The following DOCK11 variants were observed in gnomAD, a reference collection of about 807,000 sequenced individuals.
DOCK11 encodes the protein dedicator of cytokinesis protein 11.
In DOCK11, 70 loss-of-function variants were observed where a neutral mutation model predicts 169.1. The ratio of observed to expected loss-of-function variants is 0.41; its 90% CI spans 0.34 to 0.51. The LOEUF (loss-of-function observed/expected upper bound fraction) is 0.51. DOCK11 is among the 20% of genes least tolerant of loss of function. DOCK11 has a pLI of 0.10. For missense variants in DOCK11, 1,166 were observed against 1,538.8 expected, an observed-to-expected ratio of 0.76 and a Z score of 4.05; for synonymous variants, 529 against 541.3, an observed-to-expected ratio of 0.98 and a Z score of 0.32.
At chrX:118,595,241 G>A (rs1171629571) in intron 20 of DOCK11, among the ~76,000 whole-genome samples, 1 of 111,663 alleles carries the variant, frequency 9.0e-6, no homozygotes, top group East Asian at 2.8e-4. Flanking sequence ...GTAGCAGCGG[G>A]GGCAGAGAGA....
chrX:118,630,516 G>A (rs1238559316), intron 35 of DOCK11, 26 bp downstream of exon 35: 2 of 957,270 alleles, frequency 2.1e-6, no homozygotes, highest in Admixed American at 4.7e-5. Flanking sequence ...ATTAAGCATG[G>A]ACTGTACTAG....
At chrX:118,647,910 TATA>T (rs757179234) in intron 40 of DOCK11, among the ~76,000 whole-genome samples, 2,693 of 43,253 alleles carry the variant, frequency 0.062, 147 homozygotes, top group Middle Eastern at 0.11. Context: ...TATTATATAT[TATA>T]ATATTATATA....
chrX:118,645,362 G>A (rs1416191629), intron 40 of DOCK11, among the ~76,000 whole-genome samples: 1 of 111,638 alleles, frequency 9.0e-6, no homozygotes, highest in Non-Finnish European at 1.9e-5. Context: ...TTCAGTCTTA[G>A]TGGGGATAGG....
chrX:118,683,058 A>G (rs1278571797), intron 51 of DOCK11, 21 bp from the exon 52 acceptor site: 1 of 1,190,054 alleles, frequency 8.4e-7, no homozygotes, highest in Non-Finnish European at 1.1e-6. Flanking sequence ...CAAGACCTTT[A>G]TCTTTGATAT....
At chrX:118,630,554 C>A in intron 35 of DOCK11, 64 bp downstream of exon 35, 1 of 671,835 alleles carries the variant, frequency 1.5e-6, no homozygotes, top group Non-Finnish European at 2.3e-6. Context: ...TTCACAAATT[C>A]ATGCAACAAT....
At chrX:118,512,120 G>A (rs187031778) in intron 1 of DOCK11, among the ~76,000 whole-genome samples, 1 of 111,469 alleles carries the variant, frequency 9.0e-6, no homozygotes, top group Non-Finnish European at 1.9e-5. Context: ...CAGGCTGGTC[G>A]CGAACTCCTG....
Position 118,573,892 on chromosome X carries a change from C to T in DOCK11, c.1263C>T (p.Pro421=). Residue 421 remains proline, a synonymous_variant, in exon 12 of 53, where the codon CCC becomes CCT. Transcript: ENST00000276202. The part of the protein sequence containing the change: ...ISADFHVDLN[P]PSVREMLWGS... ...CAGACTTTCATGTAGACCTGAATCC[C>T]CCATCTGTCCGTGAAATGCTGTGGG... 8.3e-7 allele frequency: 1 copy of T among 1,211,172 alleles called. No individual in the cohort carries two copies. Among genetic ancestry groups the T allele is most frequent in the Non-Finnish European group, 1.1e-6 (1 of 895,234 alleles).
intron 10 of DOCK11, among the ~76,000 whole-genome samples, chrX:118,568,370 TTATATATATATATATATA>T (rs397839351): frequency 0.14 from 5,111 of 36,671 alleles, 346 homozygotes; most frequent in South Asian, 0.2. Context: ...TGGGGCTGAA[TTATATATATATATATATA>T]TATATATATA....
At chrX:118,627,645 T>C in intron 33 of DOCK11, 66 bp downstream of exon 33, 1 of 774,489 alleles carries the variant, frequency 1.3e-6, no homozygotes, top group Admixed American at 2.6e-5. Context: ...TACTTCTCAG[T>C]ATTTTTGATA....
intron 45 of DOCK11, among the ~76,000 whole-genome samples, chrX:118,663,385 T>C (rs12852320): frequency 0.15 from 16,470 of 111,263 alleles, 901 homozygotes; most frequent in Middle Eastern, 0.31. Flanking sequence ...CCATGCAAAG[T>C]CAAAGGTGAA....
chrX:118,649,426 T>C (rs1042785343), intron 41 of DOCK11, among the ~76,000 whole-genome samples: 3 of 112,758 alleles, frequency 2.7e-5, no homozygotes, highest in Non-Finnish European at 5.6e-5. Flanking sequence ...TACTAGGTAA[T>C]TGATAATTAC....
intron 52 of DOCK11, among the ~76,000 whole-genome samples, chrX:118,684,053 T>G (rs1348464981): frequency 2.7e-5 from 3 of 111,401 alleles, no homozygotes; most frequent in African/African-American, 9.8e-5. Flanking sequence ...AGAGCCACCT[T>G]GTAGTCATAC....
intron 52 of DOCK11, among the ~76,000 whole-genome samples, chrX:118,684,056 A>G (rs2016800149): frequency 9.0e-6 from 1 of 111,390 alleles, no homozygotes; most frequent in Non-Finnish European, 1.9e-5. Context: ...GCCACCTTGT[A>G]GTCATACACT....
intron 1 of DOCK11, among the ~76,000 whole-genome samples, chrX:118,511,950 G>A (rs2057653180): frequency 8.9e-6 from 1 of 112,557 alleles, no homozygotes; most frequent in African/African-American, 3.2e-5. Flanking sequence ...GTCTCACTCT[G>A]TCGCCCAGGC....
In DOCK11 at chrX:118,544,645, C is replaced by CTTTTTTTTTT. The variant is rs1157804079; in HGVS notation, c.393-655_393-646dup. On this transcript the variant is annotated intron_variant, in intron 4 of 52. Coordinates refer to ENST00000276202, the MANE Select transcript of DOCK11 (RefSeq NM_144658.4). ...TGCAAGAGCCAGAATTACACTGTTG[C>CTTTTTTTTTT]TTTTTTTTTTTTTTTTTTTTTTTTT... Among the ~76,000 whole-genome samples the CTTTTTTTTTT allele has an allele frequency of 2.5e-3, 58 of 23,363 alleles. 13 individuals carry two copies. Among genetic ancestry groups the CTTTTTTTTTT allele is most frequent in the Non-Finnish European group, 3.5e-3 (48 of 13,900 alleles). The allele number at this position is 23,363 out of a possible 115,157, so 20.3% of individuals were successfully genotyped here. A position where few individuals can be genotyped will look rare whatever the true frequency, so the allele number is the denominator to read the frequency against.
At chrX:118,649,199 C>T (rs2015889009) in intron 41 of DOCK11, 72 bp downstream of exon 41, 4 of 887,307 alleles carry the variant, frequency 4.5e-6, no homozygotes, top group Non-Finnish European at 6.2e-6. Context: ...AGATCCAGAG[C>T]CACCCAATCC....
chrX:118,638,007 C>A, intron 36 of DOCK11, 73 bp from the exon 37 acceptor site: 1 of 895,628 alleles, frequency 1.1e-6, no homozygotes, highest in Non-Finnish European at 1.6e-6. Flanking sequence ...TAACTTATGA[C>A]TTTTAAAATA....
chrX:118,614,962 A>C (rs898796855), intron 29 of DOCK11, among the ~76,000 whole-genome samples, 187 bp downstream of exon 29: 1 of 112,279 alleles, frequency 8.9e-6, no homozygotes, highest in Non-Finnish European at 1.9e-5. Context: ...TGTGTTCAAT[A>C]GCTCATTTTA....
chrX:118,518,260 G>A (rs2057701925), intron 1 of DOCK11, among the ~76,000 whole-genome samples: 1 of 111,635 alleles, frequency 9.0e-6, no homozygotes, highest in Non-Finnish European at 1.9e-5. Flanking sequence ...AAAACAATTA[G>A]ATTATGATGC....
Sources: allele counts gnomAD v4.1 joint callset (sites outside exome capture counted in the v4.1 genomes callset), GRCh38; gene constraint gnomAD v4.1.1; transcripts MANE v1.5; gene names NCBI Gene and HGNC (gene_info 2026-07-23, HGNC 2026-07-21).